The following CDC27 variants were observed in gnomAD, a reference collection of about 807,000 sequenced individuals.
CDC27 encodes cell division cycle 27, also known as cell division cycle protein 27 homolog.
CDC27 carries 27 observed loss-of-function variants against 109.7 expected under a neutral mutation model. The observed-to-expected ratio is 0.25, with a 90% CI of 0.18 to 0.34. CDC27 has a LOEUF of 0.34. CDC27 is among the 10% of genes least tolerant of loss of function. The pLI is 1.00. For synonymous variants in CDC27, 266 were observed against 333.9 expected, an observed-to-expected ratio of 0.80 and a Z score of 2.22; for missense variants, 579 against 960.2, an observed-to-expected ratio of 0.60 and a Z score of 5.25.
At chr17:47,181,998 A>T (rs1162363211) in intron 1 of CDC27, among the ~76,000 whole-genome samples, 1 of 152,188 alleles carries the variant, frequency 6.6e-6, no homozygotes, top group Admixed American at 6.5e-5. Flanking sequence ...GCTGATGTCA[A>T]GCCATTTCTT....
At position 47,138,887 on chromosome 17, in the gene CDC27, T is replaced by G; in HGVS notation, c.1556A>C (p.Glu519Ala). ...YFELSEYMQA[E>A]RIFSEVRRIE... ...CCTTCTAACCTCTGAGAATATTCTT[T>G]CAGCCTGAAATAAAAAAAACTAGTA... The change falls in exon 13 of 19, where the codon GAA becomes GCA. Residue 519 changes from glutamate (E) to alanine (A), a missense_variant. By Grantham distance (107) the Glu-to-Ala change is moderately radical. Around this residue, in one of 9 missense-constraint regions of CDC27, gnomAD observed 227 missense variants for 363.6 expected, o/e 0.62. Transcript: ENST00000066544. The G allele has an allele frequency of 1.3e-6, 2 of 1,564,476 alleles. No homozygotes were observed. The highest frequency in any genetic ancestry group is 1.7e-6 in the Non-Finnish European group (2 of 1,157,954).
At position 47,142,297 on chromosome 17, in the gene CDC27, A is replaced by G; in HGVS notation, c.1310T>C (p.Ile437Thr). Residue 437 changes from isoleucine to threonine, a missense_variant, in exon 11 of 19, where the codon ATT (isoleucine) becomes ACT (threonine). Ile to Thr is a moderately conservative substitution (Grantham distance 89). Coordinates refer to ENST00000066544, the MANE Select transcript of CDC27 (RefSeq NM_001256.6). ...GATTGTGGATATTTTCCCTTCTGAA[A>G]TGATGGAAGAGTCCAATTTTGTAAT... Reference protein sequence around the residue: ...LEITKLDSSIISEGKISTITP... With the variant: ...LEITKLDSSITSEGKISTITP... 1 of 1,600,478 alleles carries G rather than the reference A, an allele frequency of 6.2e-7. No individual in the cohort carries two copies. The highest frequency in any genetic ancestry group is 1.1e-5 in the South Asian group (1 of 89,838).
chr17:47,159,670 G>A, intron 4 of CDC27: 1 of 443,164 alleles, frequency 2.3e-6, no homozygotes, highest in South Asian at 2.2e-5. Flanking sequence ...GACCGACGTG[G>A]CCATTGTAGT....
rs745874758 is a variant in CDC27, at chr17:47,120,998, C to T, written c.2412G>A (p.Gln804=). Residue 804 remains glutamine, a synonymous_variant, in exon 19 of 19, where the codon CAG becomes CAA. Coordinates refer to ENST00000066544, the MANE Select transcript of CDC27 (RefSeq NM_001256.6). ...EEQIMGTDES[Q]ESSMTDADDT... ...CATCCGCATCTGTCATGCTGCTCTC[C>T]TGGGATTCATCTGTTCCCACTTTAA... The T allele has an allele frequency of 6.2e-6, 10 of 1,611,940 alleles. No individual in the cohort carries two copies. The South Asian group carries it at 1.1e-4, about 18-fold the overall frequency.
At chr17:47,174,834 T>C (rs953090474) in intron 2 of CDC27, among the ~76,000 whole-genome samples, 1 of 152,092 alleles carries the variant, frequency 6.6e-6, no homozygotes, top group Non-Finnish European at 1.5e-5. Flanking sequence ...CGTGCACCTG[T>C]GATCCCAGCT....
Position 47,122,452 on chromosome 17 carries a change from T to C in CDC27, c.2384A>G (p.Glu795Gly), listed in dbSNP as rs868034017. 1 of 1,600,726 alleles carries C rather than the reference T, an allele frequency of 6.2e-7. No individual in the cohort carries two copies. The highest frequency in any genetic ancestry group is 8.5e-7 in the Non-Finnish European group (1 of 1,173,244). ...PDDEEPITQE[E>G]QIMGTDESQE... is the part of the protein sequence containing the mutation. ...ATATGTATGATACTTACTGATCTGT[T>C]CTTCTTGGGTTATTGGCTCCTCATC... is the stretch of plus-strand genomic sequence containing the variant. The change falls in exon 18 of 19, where the codon GAA (glutamate) becomes GGA (glycine). Residue 795 changes from glutamate to glycine, a missense_variant. Transcript: ENST00000066544.
At chr17:47,146,878 A>G (rs998776958) in intron 9 of CDC27, among the ~76,000 whole-genome samples, 29 of 152,012 alleles carry the variant, frequency 1.9e-4, no homozygotes, top group Non-Finnish European at 3.8e-4. Flanking sequence ...CAGCCTGAGC[A>G]ACACAGCAAG....
In CDC27 at chr17:47,157,057, G is replaced by A. The variant is rs1212559953; in HGVS notation, c.698C>T (p.Ser233Phe). 1 of 1,594,288 alleles carries A rather than the reference G, an allele frequency of 6.3e-7. No individual in the cohort carries two copies. The highest frequency in any genetic ancestry group is 2.2e-5 in the East Asian group (1 of 44,742). Residue 233 changes from serine to phenylalanine, a missense_variant, in exon 7 of 19, where the codon TCT becomes TTT. Around this residue, in one of 9 missense-constraint regions of CDC27, gnomAD observed 74 missense variants for 148.9 expected, o/e 0.50. Coordinates refer to ENST00000066544, the MANE Select transcript of CDC27 (RefSeq NM_001256.6). ...KYSLNTDSSV[S>F]YIDSAVISPD... ...TGAAATTACAGCTGAATCAATATAA[G>A]ACACTGAGGAATCTGTATTCAAGGA...
At chr17:47,142,995 AG>A (rs2148869662) in intron 10 of CDC27, among the ~76,000 whole-genome samples, 1 of 149,978 alleles carries the variant, frequency 6.7e-6, no homozygotes, top group African/African-American at 2.5e-5. Context: ...TTTTTGGGAC[AG>A]GATCTTATTC....
intron 2 of CDC27, chr17:47,181,231 G>C: frequency 7.6e-6 from 1 of 131,146 alleles, no homozygotes; most frequent in South Asian, 2.1e-4. Flanking sequence ...CTCCAACATG[G>C]GTGACAGAGT....
At chr17:47,125,499 G>T (rs1347774869) in intron 16 of CDC27, among the ~76,000 whole-genome samples, 1 of 151,404 alleles carries the variant, frequency 6.6e-6, no homozygotes, top group African/African-American at 2.4e-5. Context: ...TCTCACCTTG[G>T]CCTCCCAAAG....
intron 14 of CDC27, among the ~76,000 whole-genome samples, chr17:47,136,081 A>G (rs2062578059): frequency 1.3e-5 from 2 of 152,210 alleles, no homozygotes; most frequent in East Asian, 1.9e-4. Flanking sequence ...GGCGGAGCAT[A>G]CAGTGAGCCA....
At chr17:47,155,208 CG>C (rs1490727365) in intron 7 of CDC27, among the ~76,000 whole-genome samples, 3 of 152,082 alleles carry the variant, frequency 2.0e-5, no homozygotes, top group Non-Finnish European at 4.4e-5. Flanking sequence ...AGTAGTTCCC[CG>C]GCCTCAGGAC....
At chr17:47,132,923 G>A (rs1373393288) in intron 14 of CDC27, among the ~76,000 whole-genome samples, 3 of 138,046 alleles carry the variant, frequency 2.2e-5, no homozygotes, top group Middle Eastern at 3.3e-3. Context: ...ACAGGTGCAC[G>A]CCACCAGGCA....
rs1426119090 is a variant in CDC27 at position 47,170,017 on chromosome 17, A to G, written c.277T>C (p.Ser93Pro). Residue 93 changes from serine (S) to proline (P), a missense_variant, in exon 4 of 19, where the codon TCT becomes CCT. This residue lies in a region of CDC27 where 52 missense variants were observed against 63.4 expected (regional missense o/e 0.82). Coordinates refer to ENST00000066544, the MANE Select transcript of CDC27 (RefSeq NM_001256.6). ...TTCTGCTTATTAAACACTCCACCAG[A>G]TAAGATTTGTTCCCCTTCTGCAAGC... ...SKLAEGEQIL[S>P]GGVFNKQKSH... 1 of 1,551,142 alleles carries G rather than the reference A, an allele frequency of 6.4e-7. No individual in the cohort carries two copies. The highest frequency in any genetic ancestry group is 8.7e-7 in the Non-Finnish European group (1 of 1,151,968).
chr17:47,160,207 C>G (rs1278262820), intron 4 of CDC27, among the ~76,000 whole-genome samples: 1 of 151,102 alleles, frequency 6.6e-6, no homozygotes, highest in Non-Finnish European at 1.5e-5. Context: ...ATTATCAGAA[C>G]AGCATTGCTG....
At chr17:47,174,732 G>A (rs1014776568) in intron 2 of CDC27, among the ~76,000 whole-genome samples, 2 of 152,152 alleles carry the variant, frequency 1.3e-5, no homozygotes, top group Admixed American at 6.5e-5. Context: ...GAGGCAGGTG[G>A]ATCACCTGAG....
chr17:47,137,563 A>T (rs1394992589), intron 13 of CDC27, among the ~76,000 whole-genome samples: 1 of 152,198 alleles, frequency 6.6e-6, no homozygotes, highest in Non-Finnish European at 1.5e-5. Flanking sequence ...ACCAAAATCA[A>T]TACTTGCAGT....
intron 18 of CDC27, 87 bp from the exon 19 acceptor site, chr17:47,121,104 A>G: frequency 1.2e-6 from 1 of 834,572 alleles, no homozygotes; most frequent in Non-Finnish European, 2.0e-6. Flanking sequence ...AAATTGTATT[A>G]TATTCAGAGA....
Sources: allele counts gnomAD v4.1 joint callset (sites outside exome capture counted in the v4.1 genomes callset), GRCh38; gene constraint gnomAD v4.1.1; regional missense constraint gnomAD v4.1.1; transcripts MANE v1.5; gene names NCBI Gene and HGNC (gene_info 2026-07-23, HGNC 2026-07-21).